MAPKAP1: variants seen among roughly 807,000 people sequenced by gnomAD.
The protein encoded by MAPKAP1 is MAPK associated protein 1.
In MAPKAP1, 20 loss-of-function variants were observed where a neutral mutation model predicts 65.7. The ratio of observed to expected loss-of-function variants is 0.30; its 90% CI spans 0.21 to 0.44. The LOEUF (loss-of-function observed/expected upper bound fraction) is 0.44. Among genes scored for constraint, MAPKAP1 ranks in the 20% least tolerant of loss-of-function variants. The pLI, the probability that MAPKAP1 is intolerant of heterozygous loss-of-function variation, is 1.00. For synonymous variants in MAPKAP1, 222 were observed against 244.3 expected (o/e 0.91, Z 0.85); for missense variants, 423 against 648.0 (o/e 0.65, Z 3.77).
intron 4 of MAPKAP1, among the ~76,000 whole-genome samples, chr9:125,621,933 A>G (rs1212720398): frequency 6.6e-6 from 1 of 152,260 alleles, no homozygotes; most frequent in Non-Finnish European, 1.5e-5. Flanking sequence ...TACATACACA[A>G]TGGAATACTA....
intron 7 of MAPKAP1, among the ~76,000 whole-genome samples, chr9:125,540,330 T>C (rs58166349): frequency 0.02 from 3,105 of 152,306 alleles, 113 homozygotes; most frequent in African/African-American, 0.071. Context: ...AAATTTATTA[T>C]TATTATCAGA....
At chr9:125,662,146 C>G (rs1288277792) in intron 3 of MAPKAP1, among the ~76,000 whole-genome samples, 7 of 152,106 alleles carry the variant, frequency 4.6e-5, no homozygotes, top group Non-Finnish European at 1.0e-4. Flanking sequence ...CTTCGGGAGG[C>G]CAAGATGGGC....
chr9:125,439,827 A>G lies in MAPKAP1; in HGVS notation c.1444-815T>C, dbSNP rs569337868. Among the ~76,000 whole-genome samples, 1 of 152,242 alleles carries G rather than the reference A, an allele frequency of 6.6e-6. No homozygotes were observed. The highest frequency in any genetic ancestry group is 2.1e-4 in the South Asian group (1 of 4,828). ...GCCCTGGGGAGCTTGCTGCCTGGTG[A>G]GTGGGTGTCCAGCAGCAGAACCAGC... On this transcript the variant is annotated intron_variant, in intron 11 of 11. Coordinates refer to ENST00000265960, the MANE Select transcript of MAPKAP1 (RefSeq NM_001006617.3). This position sits in a 1 kb window ranked among gnomAD's most constrained non-coding sequence, Gnocchi z 4.0.
chr9:125,666,564 A>C (rs1564608949), intron 3 of MAPKAP1, among the ~76,000 whole-genome samples: 1 of 152,218 alleles, frequency 6.6e-6, no homozygotes, highest in African/African-American at 2.4e-5. Flanking sequence ...GCTCCTCAGG[A>C]GGTTGACACA....
At chr9:125,636,508 C>T (rs1833428864) in intron 4 of MAPKAP1, among the ~76,000 whole-genome samples, 1 of 152,358 alleles carries the variant, frequency 6.6e-6, no homozygotes, top group African/African-American at 2.4e-5. Context: ...TATTCTCTAA[C>T]ATGTGAACTG....
At chr9:125,511,218 A>G (rs1057238296) in intron 7 of MAPKAP1, among the ~76,000 whole-genome samples, 4 of 152,120 alleles carry the variant, frequency 2.6e-5, no homozygotes, top group African/African-American at 9.7e-5. Context: ...CTGTAATAAT[A>G]CTAAGTGATC....
chr9:125,441,880 C>T (rs1852498696), intron 11 of MAPKAP1, among the ~76,000 whole-genome samples: 1 of 152,060 alleles, frequency 6.6e-6, no homozygotes, highest in Admixed American at 6.5e-5. Context: ...TTAATCTCAG[C>T]ACTTTGGGAG....
At chr9:125,610,708 C>A (rs532212674) in intron 4 of MAPKAP1, among the ~76,000 whole-genome samples, 58 of 152,268 alleles carry the variant, frequency 3.8e-4, no homozygotes, top group African/African-American at 1.3e-3. Flanking sequence ...CATAAACGAA[C>A]CTTCATATGA....
intron 4 of MAPKAP1, among the ~76,000 whole-genome samples, chr9:125,592,260 G>T (rs1396359378): frequency 6.6e-6 from 1 of 152,122 alleles, no homozygotes; most frequent in East Asian, 1.9e-4. Context: ...GCTAGTGAAG[G>T]CCTCTTAGAT....
intron 10 of MAPKAP1, among the ~76,000 whole-genome samples, chr9:125,449,283 T>G (rs1852849152): frequency 2.0e-5 from 3 of 152,166 alleles, no homozygotes. Flanking sequence ...AAGGAGGGGA[T>G]AGCATCTGTC....
At chr9:125,563,597 C>T (rs766897540) in intron 5 of MAPKAP1, among the ~76,000 whole-genome samples, 7 of 152,066 alleles carry the variant, frequency 4.6e-5, no homozygotes, top group Non-Finnish European at 8.8e-5. Flanking sequence ...TCCATACTTA[C>T]TAAAGAGTAA....
At chr9:125,621,429 A>G (rs1361272859) in intron 4 of MAPKAP1, among the ~76,000 whole-genome samples, 2 of 152,208 alleles carry the variant, frequency 1.3e-5, no homozygotes, top group African/African-American at 2.4e-5. Context: ...AAACAGGTAC[A>G]GAGAATTTTC....
At chr9:125,494,082 C>T (rs1244715337) in intron 8 of MAPKAP1, among the ~76,000 whole-genome samples, 3 of 152,130 alleles carry the variant, frequency 2.0e-5, no homozygotes, top group Non-Finnish European at 4.4e-5. Flanking sequence ...TCCACTCCCT[C>T]GGTAAGACTT....
chr9:125,658,103 G>T (rs538709849), intron 3 of MAPKAP1, among the ~76,000 whole-genome samples: 2 of 151,916 alleles, frequency 1.3e-5, no homozygotes, highest in African/African-American at 4.8e-5. Flanking sequence ...GCTTTGGCCC[G>T]GCTTTGCTAC....
rs930828538 is a variant in MAPKAP1 at position 125,571,803 on chromosome 9, C to T, written c.672-11994G>A. Among the ~76,000 whole-genome samples the T allele has an allele frequency of 2.6e-5, 4 of 152,236 alleles. No individual in the cohort carries two copies. The South Asian group carries it at 6.2e-4, about 24-fold the overall frequency. ...GCTTGAACCTGGGAGGCAGAGATTG[C>T]AGTGAGCCAAGATCGCGCCACTGCA... On this transcript the variant is annotated intron_variant, in intron 5 of 11. Transcript: ENST00000265960.
At chr9:125,554,525 G>A (rs551986957) in intron 6 of MAPKAP1, among the ~76,000 whole-genome samples, 1 of 148,924 alleles carries the variant, frequency 6.7e-6, no homozygotes, top group Non-Finnish European at 1.5e-5. Context: ...TAGGTTAGGA[G>A]CGGTGGCTCA....
chr9:125,442,894 T>C (rs534657894), intron 11 of MAPKAP1, among the ~76,000 whole-genome samples: 33 of 152,362 alleles, frequency 2.2e-4, no homozygotes, highest in Admixed American at 1.1e-3. Flanking sequence ...TTCTATTTCA[T>C]TGAAATCTCC....
At chr9:125,664,135 T>C (rs1376328048) in intron 3 of MAPKAP1, among the ~76,000 whole-genome samples, 1 of 151,852 alleles carries the variant, frequency 6.6e-6, no homozygotes, top group Non-Finnish European at 1.5e-5. Context: ...TTACCTGATG[T>C]CAGGAGTTCG....
At chr9:125,481,851 C>T (rs1030689119) in intron 9 of MAPKAP1, among the ~76,000 whole-genome samples, 2 of 151,932 alleles carry the variant, frequency 1.3e-5, no homozygotes, top group Non-Finnish European at 2.9e-5. Flanking sequence ...GAAAGTGTGG[C>T]CAGGCGTGGT....
Sources: gnomAD v4.1 joint callset for allele counts (sites outside exome capture counted in the v4.1 genomes callset) on GRCh38, gnomAD v4.1.1 for gene constraint, Gnocchi (gnomAD v3.1) non-coding constraint, MANE v1.5 for transcripts, NCBI Gene and HGNC (gene_info 2026-07-23, HGNC 2026-07-21) for gene names.